MAN1A1: variants seen among roughly 807,000 people sequenced by gnomAD.
MAN1A1 encodes the protein mannosyl-oligosaccharide 1,2-alpha-mannosidase IA.
MAN1A1 carries 29 observed loss-of-function variants against 70.8 expected under a neutral mutation model. The observed-to-expected ratio is 0.41, with a 90% confidence interval of 0.31 to 0.56. MAN1A1 has a LOEUF of 0.56. Among genes scored for constraint, MAN1A1 ranks in the 20% least tolerant of loss-of-function variants. The probability of loss-of-function intolerance (pLI) is 0.29; values close to 1 mark genes in which losing one functional copy is unlikely to be tolerated. For synonymous variants in MAN1A1, 349 were observed against 330.1 expected, an observed-to-expected ratio of 1.06 and a Z score of -0.62; for missense variants, 747 against 841.3, an observed-to-expected ratio of 0.89 and a Z score of 1.39.
chr6:119,309,623 T>C (rs780756757), intron 2 of MAN1A1, among the ~76,000 whole-genome samples: 5 of 152,118 alleles, frequency 3.3e-5, no homozygotes, highest in Admixed American at 2.0e-4. Context: ...GGGCCCAAAT[T>C]TCAAATGCAG....
chr6:119,300,919 A>C (rs1467354796), intron 4 of MAN1A1, among the ~76,000 whole-genome samples: 1 of 152,252 alleles, frequency 6.6e-6, no homozygotes, highest in Non-Finnish European at 1.5e-5. Flanking sequence ...CTTTTAATTT[A>C]TATAAGTTTT....
intron 5 of MAN1A1, among the ~76,000 whole-genome samples, chr6:119,255,800 T>A (rs1003170138): frequency 2.0e-5 from 3 of 152,254 alleles, no homozygotes; most frequent in African/African-American, 7.2e-5. Context: ...CATCTTTCTT[T>A]CACCGTCTCT....
intron 8 of MAN1A1, among the ~76,000 whole-genome samples, chr6:119,194,839 CTT>C (rs149200738): frequency 0.71 from 104,038 of 146,314 alleles, 38,882 homozygotes; most frequent in Non-Finnish European, 0.83. Context: ...CATTTTTTTT[CTT>C]TTTTTTTTTT....
chr6:119,238,695 TC>T (rs1774922089), intron 6 of MAN1A1, among the ~76,000 whole-genome samples: 1 of 152,200 alleles, frequency 6.6e-6, no homozygotes, highest in Admixed American at 6.5e-5. Flanking sequence ...CATTAAACTC[TC>T]AGTAGCATCT....
At chr6:119,323,216 GTT>G (rs1445832088) in intron 2 of MAN1A1, among the ~76,000 whole-genome samples, 1 of 152,098 alleles carries the variant, frequency 6.6e-6, no homozygotes, top group African/African-American at 2.4e-5. Flanking sequence ...AATCAAAAAG[GTT>G]TTGTTTCTTC....
intron 2 of MAN1A1, among the ~76,000 whole-genome samples, chr6:119,318,397 C>T (rs561640485): frequency 1.3e-5 from 2 of 152,264 alleles, no homozygotes; most frequent in Non-Finnish European, 2.9e-5. Flanking sequence ...TGGCTATGAA[C>T]TCAGATTGAG....
intron 6 of MAN1A1, among the ~76,000 whole-genome samples, chr6:119,233,580 G>A (rs1296918804): frequency 6.6e-6 from 1 of 152,200 alleles, no homozygotes; most frequent in Non-Finnish European, 1.5e-5. Context: ...AGCCTTTGAA[G>A]CCAAATGCAG....
intron 2 of MAN1A1, among the ~76,000 whole-genome samples, chr6:119,317,967 G>T (rs983978923): frequency 3.3e-5 from 5 of 151,772 alleles, no homozygotes; most frequent in Non-Finnish European, 7.4e-5. Context: ...TTGTCATCTA[G>T]AATCCATGAT....
chr6:119,285,694 T>C (rs1460432583), intron 5 of MAN1A1, among the ~76,000 whole-genome samples: 1 of 152,118 alleles, frequency 6.6e-6, no homozygotes, highest in Non-Finnish European at 1.5e-5. Flanking sequence ...TAATTAAAGT[T>C]CTTTCCATAT....
intron 11 of MAN1A1, among the ~76,000 whole-genome samples, chr6:119,187,527 C>T (rs1773323508): frequency 6.6e-6 from 1 of 152,144 alleles, no homozygotes; most frequent in Non-Finnish European, 1.5e-5. Flanking sequence ...GCAAGATTCA[C>T]CGATGGCTTC....
intron 5 of MAN1A1, among the ~76,000 whole-genome samples, chr6:119,285,167 A>T (rs1776334157): frequency 6.6e-6 from 1 of 151,392 alleles, no homozygotes; most frequent in African/African-American, 2.4e-5. Context: ...GTAGAGACAG[A>T]ATCTGGCTTT....
At chr6:119,306,145 G>A (rs1294263693) in intron 3 of MAN1A1, among the ~76,000 whole-genome samples, 1 of 152,138 alleles carries the variant, frequency 6.6e-6, no homozygotes, top group Non-Finnish European at 1.5e-5. Flanking sequence ...GTGTTCTATT[G>A]TTGAATTCAG....
At chr6:119,260,296 A>T (rs1250552642) in intron 5 of MAN1A1, among the ~76,000 whole-genome samples, 1 of 152,220 alleles carries the variant, frequency 6.6e-6, no homozygotes, top group African/African-American at 2.4e-5. Flanking sequence ...ACATTTCTGT[A>T]ACATCTTTTT....
rs757221453 is a variant in MAN1A1 at position 119,290,732 on chromosome 6, A to G, written c.848T>C (p.Ile283Thr). Residue 283 changes from isoleucine to threonine, a missense_variant, in exon 5 of 13, where the codon ATA (isoleucine) becomes ACA (threonine). Physicochemically the swap from Ile to Thr is moderately conservative, Grantham distance 89. Transcript: ENST00000368468. ...TGAGAGTAGTCCACCAACAAAGCGT[A>G]TATTTACTTCAAAGACAGAAATTTC... ...NAEISVFEVN[I>T]RFVGGLLSAY... 5 of 1,611,222 alleles carry G rather than the reference A, an allele frequency of 3.1e-6. No individual in the cohort carries two copies. The highest frequency in any genetic ancestry group is 2.7e-5 in the African/African-American group (2 of 74,754).
chr6:119,307,034 ATG>A, intron 2 of MAN1A1, 42 bp from the exon 3 acceptor site: 10 of 1,329,852 alleles, frequency 7.5e-6, no homozygotes, highest in Non-Finnish European at 1.1e-5. Flanking sequence ...TTGAATGGAG[ATG>A]TTTTTGCTAC....
chr6:119,262,110 T>C (rs1775629025), intron 5 of MAN1A1, among the ~76,000 whole-genome samples: 1 of 152,188 alleles, frequency 6.6e-6, no homozygotes, highest in Non-Finnish European at 1.5e-5. Flanking sequence ...CGGCTGTCTA[T>C]AAAACCCACA....
At chr6:119,308,300 CAA>C (rs943249590) in intron 2 of MAN1A1, among the ~76,000 whole-genome samples, 11 of 151,538 alleles carry the variant, frequency 7.3e-5, no homozygotes, top group Admixed American at 7.2e-4. Flanking sequence ...AATGAGTCAG[CAA>C]AAAAAATCTT....
At chr6:119,270,841 G>A (rs1018292371) in intron 5 of MAN1A1, among the ~76,000 whole-genome samples, 4 of 152,146 alleles carry the variant, frequency 2.6e-5, no homozygotes, top group Admixed American at 6.5e-5. Context: ...TGCAATCTGC[G>A]AATTTGGGGT....
At chr6:119,283,600 C>T (rs1054078710) in intron 5 of MAN1A1, among the ~76,000 whole-genome samples, 5 of 148,932 alleles carry the variant, frequency 3.4e-5, no homozygotes, top group Admixed American at 2.0e-4. Context: ...GGGAAGGCCT[C>T]GGAGGGGCTG....
Sources: gnomAD v4.1 joint callset for allele counts (sites outside exome capture counted in the v4.1 genomes callset) on GRCh38, gnomAD v4.1.1 for gene constraint, MANE v1.5 for transcripts, NCBI Gene and HGNC (gene_info 2026-07-23, HGNC 2026-07-21) for gene names.